Variants in NLGN1 observed in about 807,000 individuals in gnomAD.
NLGN1 encodes neuroligin-1.
A neutral mutation model predicts 65.5 loss-of-function variants in NLGN1; 12 were observed. That is an observed-to-expected ratio of 0.18 (90% CI 0.12 to 0.30). The LOEUF is 0.30. Among genes scored for constraint, NLGN1 ranks in the 10% least tolerant of loss-of-function variants. NLGN1 has a pLI of 1.00. For synonymous variants in NLGN1, 350 were observed against 359.5 expected, an observed-to-expected ratio of 0.97 and a Z score of 0.30; for missense variants, 750 against 1,007.1, an observed-to-expected ratio of 0.74 and a Z score of 3.46.
At chr3:174,092,626 T>G (rs192468029) in intron 4 of NLGN1, among the ~76,000 whole-genome samples, 12 of 152,042 alleles carry the variant, frequency 7.9e-5, no homozygotes, top group African/African-American at 2.7e-4. Flanking sequence ...CTCTTATTAT[T>G]ATGATGATGG....
Position 173,470,933 on chromosome 3 carries a change from C to CA in NLGN1, c.-321+35858dup, listed in dbSNP as rs1441123182. 1.2e-4 allele frequency among the ~76,000 whole-genome samples: 18 copies of CA among 152,170 alleles called. No homozygotes were observed. The South Asian group carries it at 3.5e-3, about 30-fold the overall frequency. On this transcript the variant is annotated intron_variant, in intron 2 of 6. Transcript: ENST00000457714. ...ACAGAGTAGAGTACAAGAGACATCT[C>CA]AAAGTCACACAATTTAAAAGAAAGG...
intron 3 of NLGN1, among the ~76,000 whole-genome samples, chr3:173,732,546 T>G (rs1206715577): frequency 6.6e-6 from 1 of 152,138 alleles, no homozygotes; most frequent in Non-Finnish European, 1.5e-5. Context: ...AGTTGCAGTT[T>G]CATTCATGAG....
At chr3:173,406,292 T>C (rs749947072) in intron 1 of NLGN1, among the ~76,000 whole-genome samples, 46 of 151,618 alleles carry the variant, frequency 3.0e-4, no homozygotes, top group Non-Finnish European at 5.7e-4. Context: ...AGAAAACTTA[T>C]GCAAGGAATT....
Position 173,409,552 on chromosome 3 carries a change from C to T in NLGN1, c.-390+11065C>T, listed in dbSNP as rs369385852. Among the ~76,000 whole-genome samples the T allele has an allele frequency of 6.3e-4, 96 of 152,212 alleles. 1 individual carries two copies. The highest frequency in any genetic ancestry group is 2.3e-3 in the African/African-American group (95 of 41,518). ...TCTTCATGAATATTATTTCTTTCCC[C>T]CATTTCCAACTCCTGATTTCCTGTC... On this transcript the variant is annotated intron_variant, in intron 1 of 6. Transcript: ENST00000457714.
At chr3:173,713,168 A>C (rs926603529) in intron 3 of NLGN1, among the ~76,000 whole-genome samples, 1 of 152,200 alleles carries the variant, frequency 6.6e-6, no homozygotes, top group Non-Finnish European at 1.5e-5. Context: ...ATTGTTTTCC[A>C]AAAAATGGCT....
intron 4 of NLGN1, among the ~76,000 whole-genome samples, chr3:173,936,386 T>C (rs2152298375): frequency 6.6e-6 from 1 of 152,124 alleles, no homozygotes; most frequent in East Asian, 1.9e-4. Context: ...ACACCACGGG[T>C]TTAGAAATTT....
At chr3:174,247,927 A>G (rs1241113519) in intron 4 of NLGN1, among the ~76,000 whole-genome samples, 1 of 152,224 alleles carries the variant, frequency 6.6e-6, no homozygotes, top group Non-Finnish European at 1.5e-5. Flanking sequence ...AGGTTCTTGA[A>G]AAAGATAATA....
chr3:173,814,208 G>A (rs2150492044), intron 4 of NLGN1, among the ~76,000 whole-genome samples: 1 of 152,334 alleles, frequency 6.6e-6, no homozygotes, highest in South Asian at 2.1e-4. Context: ...TATCATTTTA[G>A]CAAAGAGCTA....
intron 1 of NLGN1, among the ~76,000 whole-genome samples, chr3:173,425,978 T>G (rs1185908406): frequency 6.6e-6 from 1 of 152,156 alleles, no homozygotes; most frequent in Non-Finnish European, 1.5e-5. Flanking sequence ...TGTCTTTTAA[T>G]TTTTTGTGTG....
At chr3:173,927,681 C>A (rs1190801491) in intron 4 of NLGN1, among the ~76,000 whole-genome samples, 1 of 152,058 alleles carries the variant, frequency 6.6e-6, no homozygotes, top group African/African-American at 2.4e-5. Flanking sequence ...TTGGAGGAGA[C>A]AAGGGGGACA....
intron 4 of NLGN1, among the ~76,000 whole-genome samples, chr3:174,200,621 A>G (rs1238613865): frequency 3.9e-5 from 6 of 152,348 alleles, no homozygotes; most frequent in Non-Finnish European, 7.3e-5. Flanking sequence ...GATAGATTTC[A>G]TAGAAAGTGC....
At chr3:173,693,765 A>G (rs1337095071) in intron 3 of NLGN1, among the ~76,000 whole-genome samples, 1 of 152,062 alleles carries the variant, frequency 6.6e-6, no homozygotes, top group Non-Finnish European at 1.5e-5. Flanking sequence ...AAGAAGGTTA[A>G]TTTTCTTTAA....
intron 3 of NLGN1, among the ~76,000 whole-genome samples, chr3:173,692,162 G>A (rs774678687): frequency 6.6e-6 from 1 of 151,958 alleles, no homozygotes; most frequent in Non-Finnish European, 1.5e-5. Flanking sequence ...TAGACATAAG[G>A]CATTCTCAAC....
chr3:174,044,178 A>G (rs1488773451), intron 4 of NLGN1, among the ~76,000 whole-genome samples: 1 of 152,126 alleles, frequency 6.6e-6, no homozygotes, highest in Non-Finnish European at 1.5e-5. Context: ...CTGGCCCACA[A>G]CACCATTGTT....
At chr3:174,210,990 T>C (rs1026699885) in intron 4 of NLGN1, among the ~76,000 whole-genome samples, 1 of 152,100 alleles carries the variant, frequency 6.6e-6, no homozygotes, top group South Asian at 2.1e-4. Flanking sequence ...TCGCGGTGAG[T>C]GTTACAGCTC....
intron 3 of NLGN1, among the ~76,000 whole-genome samples, chr3:173,696,351 A>G (rs961344131): frequency 1.3e-5 from 2 of 152,262 alleles, no homozygotes; most frequent in East Asian, 1.9e-4. Flanking sequence ...TCCTTGTAGC[A>G]TAGTGGGAAA....
intron 4 of NLGN1, among the ~76,000 whole-genome samples, chr3:174,115,507 C>A (rs923693147): frequency 6.6e-6 from 1 of 152,158 alleles, no homozygotes; most frequent in Non-Finnish European, 1.5e-5. Flanking sequence ...ATATATAAAA[C>A]CACCGTTATA....
At chr3:173,908,394 A>C (rs762176960) in intron 4 of NLGN1, among the ~76,000 whole-genome samples, 19 of 152,214 alleles carry the variant, frequency 1.2e-4, no homozygotes, top group Non-Finnish European at 2.8e-4. Context: ...AGCCACACAA[A>C]AATGTTTGCA....
At position 173,747,795 on chromosome 3, in the gene NLGN1, C is replaced by CTTCTTTTTTTTTTTTTT. The variant is rs1560289220; in HGVS notation, c.494-59883_494-59882insCTTTTTTTTTTTTTTTT. Among the ~76,000 whole-genome samples the CTTCTTTTTTTTTTTTTT allele has an allele frequency of 3.4e-4, 27 of 78,566 alleles. 1 individual carries two copies. Among genetic ancestry groups the CTTCTTTTTTTTTTTTTT allele is most frequent in the African/African-American group, 1.6e-3 (25 of 16,098 alleles). The allele number at this position is 78,566 out of a possible 152,430, so 51.5% of individuals were successfully genotyped here. A position where few individuals can be genotyped will look rare whatever the true frequency, so the allele number is the denominator to read the frequency against. ...AAACAAAATTTTCTTTCTTCTTCTT[C>CTTCTTTTTTTTTTTTTT]TTGTTCTTTTTTTTTTTTTTTTTTT... On this transcript the variant is annotated intron_variant, in intron 3 of 6. Coordinates refer to ENST00000457714, the Ensembl canonical transcript of NLGN1.
Sources: gnomAD v4.1 joint callset for allele counts (sites outside exome capture counted in the v4.1 genomes callset) on GRCh38, gnomAD v4.1.1 for gene constraint, MANE v1.5 for transcripts, NCBI Gene and HGNC (gene_info 2026-07-23, HGNC 2026-07-21) for gene names.